GOLIM4: variants seen among roughly 807,000 people sequenced by gnomAD.
GOLIM4 encodes the protein 130 kDa golgi-localized phosphoprotein.
A neutral mutation model predicts 107.4 loss-of-function variants in GOLIM4; 71 were observed. The ratio of observed to expected loss-of-function variants is 0.66; its 90% CI spans 0.55 to 0.81. GOLIM4 has a LOEUF of 0.81. GOLIM4 is among the 30% of genes least tolerant of loss of function. The probability of loss-of-function intolerance (pLI) is 0.00; values close to 1 mark genes in which losing one functional copy is unlikely to be tolerated. For synonymous variants in GOLIM4, 327 were observed against 294.8 expected (o/e 1.11, Z -1.12); for missense variants, 830 against 826.1 (o/e 1.00, Z -0.06).
At chr3:168,087,569 G>A (rs368085074) in intron 1 of GOLIM4, among the ~76,000 whole-genome samples, 1 of 152,158 alleles carries the variant, frequency 6.6e-6, no homozygotes, top group African/African-American at 2.4e-5. Context: ...TGGAAATGCT[G>A]CATCAAATAG....
chr3:168,010,546 A>G (rs1716944923), intron 15 of GOLIM4, 128 bp from the exon 16 acceptor site: 1 of 765,600 alleles, frequency 1.3e-6, no homozygotes. Flanking sequence ...ATGATATGTA[A>G]GCAACAGTGC....
chr3:168,085,084 T>C (rs1315944583), intron 1 of GOLIM4, among the ~76,000 whole-genome samples: 2 of 152,154 alleles, frequency 1.3e-5, no homozygotes, highest in Non-Finnish European at 2.9e-5. Flanking sequence ...AAGAGATACA[T>C]TGGGGGAAGT....
At chr3:168,017,544 T>C (rs1319324150) in intron 14 of GOLIM4, among the ~76,000 whole-genome samples, 2 of 152,166 alleles carry the variant, frequency 1.3e-5, no homozygotes, top group Non-Finnish European at 2.9e-5. Context: ...GGGAGAACTG[T>C]AGAAATTTGA....
At chr3:168,012,319 C>A (rs140295315) in intron 14 of GOLIM4, among the ~76,000 whole-genome samples, 2 of 127,344 alleles carry the variant, frequency 1.6e-5, no homozygotes, top group African/African-American at 9.4e-5. Flanking sequence ...TGAAATGAAG[C>A]GAGAAGAGAA....
intron 14 of GOLIM4, among the ~76,000 whole-genome samples, chr3:168,018,698 TCTGA>T (rs997911963): frequency 5.9e-5 from 9 of 152,162 alleles, no homozygotes; most frequent in Admixed American, 3.9e-4. Context: ...TATCTTAAGG[TCTGA>T]CTAATTGAAA....
rs532760778 is a variant in GOLIM4 at position 168,009,535 on chromosome 3, T to A, written c.*734A>T. On this transcript the variant is annotated 3_prime_UTR_variant, in exon 16 of 16. Coordinates refer to ENST00000470487, the MANE Select transcript of GOLIM4 (RefSeq NM_014498.5). Reference sequence around the variant, plus strand: ...CACTAGTCCTTCCAAAAGGTGAATATGTTGATGTGTCCATACCTTGTTTGA... The same window carrying A: ...CACTAGTCCTTCCAAAAGGTGAATAAGTTGATGTGTCCATACCTTGTTTGA... 1.3e-5 allele frequency: 2 copies of A among 151,572 alleles called. No individual in the cohort carries two copies. Among genetic ancestry groups the A allele is most frequent in the East Asian group, 3.9e-4 (2 of 5,148 alleles). The allele number at this position is 151,572 out of a possible 1,614,324, so 9.4% of individuals were successfully genotyped here.
chr3:168,093,202 G>A (rs939438451), intron 1 of GOLIM4, among the ~76,000 whole-genome samples: 2 of 152,138 alleles, frequency 1.3e-5, no homozygotes, highest in African/African-American at 2.4e-5. Flanking sequence ...AATATCCATC[G>A]TCCATCATAG....
chr3:168,049,718 C>A (rs1392633962), intron 1 of GOLIM4, among the ~76,000 whole-genome samples: 2 of 152,160 alleles, frequency 1.3e-5, no homozygotes, highest in East Asian at 3.9e-4. Context: ...CCCATCCCTG[C>A]AGCAATCCCT....
At chr3:168,069,128 C>T (rs577479658) in intron 1 of GOLIM4, among the ~76,000 whole-genome samples, 8 of 152,174 alleles carry the variant, frequency 5.3e-5, no homozygotes, top group South Asian at 2.1e-4. Flanking sequence ...CCACCATGCC[C>T]GGCCTGCACT....
rs1479349663 is a variant in GOLIM4 at position 168,043,427 on chromosome 3, AT to A, written c.468del (p.Lys156AsnfsTer16). ...FSRTFNDHKQ[K>X]YLQLQQEKEQ... ...TCTTTTTCTTGCTGGAGCTGCAAGT[AT>A]TTTTGCTTATGGTCATTAAATGTTC... On this transcript the variant is annotated frameshift_variant, in exon 5 of 16. Coordinates refer to ENST00000470487, the MANE Select transcript of GOLIM4 (RefSeq NM_014498.5). LOFTEE classifies it high-confidence loss of function. 6.2e-7 allele frequency: 1 copy of A among 1,610,956 alleles called. No homozygotes were observed. Among genetic ancestry groups the A allele is most frequent in the Admixed American group, 1.7e-5 (1 of 59,490 alleles).
chr3:168,069,490 C>T (rs2108276349), intron 1 of GOLIM4, among the ~76,000 whole-genome samples: 1 of 152,166 alleles, frequency 6.6e-6, no homozygotes, highest in Admixed American at 6.5e-5. Flanking sequence ...ATTGATTTTC[C>T]TTCATTTTTC....
intron 1 of GOLIM4, among the ~76,000 whole-genome samples, chr3:168,064,233 C>T (rs980458982): frequency 2.6e-5 from 4 of 152,156 alleles, no homozygotes; most frequent in Non-Finnish European, 5.9e-5. Flanking sequence ...AGATTTGTCA[C>T]TCCCACTACT....
chr3:168,024,209 G>A (rs764381710), intron 14 of GOLIM4, among the ~76,000 whole-genome samples: 17 of 152,186 alleles, frequency 1.1e-4, no homozygotes, highest in Non-Finnish European at 2.4e-4. Flanking sequence ...TGCAGAGGGA[G>A]AGAGGAGAAA....
intron 1 of GOLIM4, among the ~76,000 whole-genome samples, chr3:168,091,797 A>C (rs1008067527): frequency 2.6e-5 from 4 of 152,236 alleles, no homozygotes; most frequent in Non-Finnish European, 5.9e-5. Context: ...CACTTTATAA[A>C]TAAGAAAAAC....
Position 168,095,827 on chromosome 3 carries a change from T to C in GOLIM4, c.-542A>G, listed in dbSNP as rs1275900211. On this transcript the variant is annotated 5_prime_UTR_variant, in exon 1 of 16. Transcript: ENST00000470487. ...GTGGGGGCCAGCTGTCTCGGCTGGT[T>C]TTGGGGACGGCACAGCGGTGTCACT... The C allele has an allele frequency of 6.6e-6, 1 of 152,504 alleles. No individual in the cohort carries two copies. Among genetic ancestry groups the C allele is most frequent in the African/African-American group, 2.4e-5 (1 of 41,336 alleles). 9.4% of individuals were successfully genotyped at this position (152,504 alleles called of 1,614,324 possible). A position where few individuals can be genotyped will look rare whatever the true frequency, so the allele number is the denominator to read the frequency against.
chr3:168,022,758 G>A (rs760104092), intron 14 of GOLIM4, among the ~76,000 whole-genome samples: 25 of 152,178 alleles, frequency 1.6e-4, no homozygotes, highest in Non-Finnish European at 3.2e-4. Flanking sequence ...TCAGTGATGG[G>A]GTGGTAACCT....
chr3:168,047,786 A>C (rs58774619), intron 2 of GOLIM4, among the ~76,000 whole-genome samples: 1 of 152,338 alleles, frequency 6.6e-6, no homozygotes, highest in African/African-American at 2.4e-5. Context: ...TTTCAAACTG[A>C]ATCAACTGAT....
chr3:168,036,250 A>C (rs145333430), intron 8 of GOLIM4, among the ~76,000 whole-genome samples: 1 of 152,368 alleles, frequency 6.6e-6, no homozygotes, highest in Non-Finnish European at 1.5e-5. Context: ...TCTCAGACAT[A>C]CTAGCAGCGG....
intron 6 of GOLIM4, 54 bp downstream of exon 6, chr3:168,041,338 C>T: frequency 9.8e-7 from 1 of 1,018,028 alleles, no homozygotes; most frequent in Admixed American, 1.8e-5. Context: ...TAAAGTCATT[C>T]TACCAAATAA....
Sources: gnomAD v4.1 joint callset for allele counts (sites outside exome capture counted in the v4.1 genomes callset) on GRCh38, gnomAD v4.1.1 for gene constraint, MANE v1.5 for transcripts, NCBI Gene and HGNC (gene_info 2026-07-23, HGNC 2026-07-21) for gene names.